Variants in CFAP263 observed in about 807,000 individuals in gnomAD.
CFAP263 encodes the protein cilia and flagella associated protein 263.
At chr16:58,277,941 A>G in the CFAP263 span, among the ~76,000 whole-genome samples, 2 of 152,156 alleles carry the variant, frequency 1.3e-5, no homozygotes, top group African/African-American at 4.8e-5. Flanking sequence ...AGGAGGAGTG[A>G]TTGTATAATG....
the CFAP263 span, among the ~76,000 whole-genome samples, chr16:58,274,343 C>T: frequency 6.6e-6 from 1 of 152,236 alleles, no homozygotes; most frequent in African/African-American, 2.4e-5. Flanking sequence ...GTTTCCCACA[C>T]AGTTCTTAGG....
the CFAP263 span, among the ~76,000 whole-genome samples, chr16:58,251,863 G>A: frequency 1.5e-4 from 23 of 152,208 alleles, 1 homozygote; most frequent in South Asian, 4.1e-3. Flanking sequence ...ACATACACAC[G>A]TATGAGAAGT....
the CFAP263 span, among the ~76,000 whole-genome samples, chr16:58,268,618 A>C: frequency 6.6e-6 from 1 of 152,152 alleles, no homozygotes; most frequent in African/African-American, 2.4e-5. Flanking sequence ...TTCACATCTA[A>C]GTTTTGTCAT....
the CFAP263 span, among the ~76,000 whole-genome samples, chr16:58,271,696 G>A: frequency 1.2e-4 from 19 of 152,258 alleles, 1 homozygote; most frequent in South Asian, 3.5e-3. Context: ...TATGTGTTTT[G>A]AGGAGGAAGA....
the CFAP263 span, among the ~76,000 whole-genome samples, chr16:58,273,925 G>A: frequency 2.0e-5 from 3 of 152,134 alleles, no homozygotes; most frequent in Non-Finnish European, 4.4e-5. Context: ...TCCTCACATG[G>A]TACAGCCTTA....
At chr16:58,262,388 G>C in the CFAP263 span, 1 of 1,606,776 alleles carries the variant, frequency 6.2e-7, no homozygotes, top group East Asian at 2.2e-5. Context: ...GCTGTAGAAG[G>C]AAGAGGTGAG....
chr16:58,266,389 ATATATATATATATATATTTT>A, the CFAP263 span, among the ~76,000 whole-genome samples: 2 of 30,880 alleles, frequency 6.5e-5, no homozygotes, highest in Non-Finnish European at 1.3e-4. Context: ...ATATATATAT[ATATATATATATATATATTTT>A]TTTTTTTTTT....
chr16:58,260,402 A>T, the CFAP263 span, among the ~76,000 whole-genome samples: 1 of 152,190 alleles, frequency 6.6e-6, no homozygotes. Flanking sequence ...CTGTAAGATA[A>T]TAAATTTGCA....
At chr16:58,263,721 C>A in the CFAP263 span, among the ~76,000 whole-genome samples, 1 of 152,290 alleles carries the variant, frequency 6.6e-6, no homozygotes, top group South Asian at 2.1e-4. Flanking sequence ...CTCACACCTG[C>A]AATCCCAGCA....
At chr16:58,279,891 C>A in the CFAP263 span, 6 of 854,948 alleles carry the variant, frequency 7.0e-6, no homozygotes, top group East Asian at 2.5e-5. Flanking sequence ...CCCAACCCCC[C>A]ACCCAGGCTG....
At chr16:58,258,423 A>G in the CFAP263 span, 1 of 1,613,992 alleles carries the variant, frequency 6.2e-7, no homozygotes, top group Non-Finnish European at 8.5e-7. Flanking sequence ...GAAGTGCATG[A>G]GTTTGAAAAA....
At chr16:58,267,502 A>G in the CFAP263 span, 6 of 1,613,690 alleles carry the variant, frequency 3.7e-6, no homozygotes, top group Non-Finnish European at 5.1e-6. Flanking sequence ...AGGCAATGGA[A>G]ATATACCTCA....
the CFAP263 span, chr16:58,250,167 T>C: frequency 1.7e-6 from 2 of 1,185,942 alleles, no homozygotes; most frequent in Non-Finnish European, 2.4e-6. Context: ...GGCCCTCCTC[T>C]CCGGGCGGCC....
the CFAP263 span, among the ~76,000 whole-genome samples, chr16:58,262,770 GATAGA>G: frequency 7.3e-6 from 1 of 136,758 alleles, no homozygotes; most frequent in African/African-American, 2.9e-5. Context: ...TAGGTAGATA[GATAGA>G]TAGATAGATA....
At chr16:58,261,844 A>G in the CFAP263 span, among the ~76,000 whole-genome samples, 1 of 152,318 alleles carries the variant, frequency 6.6e-6, no homozygotes, top group South Asian at 2.1e-4. Context: ...GGGCCAGGTC[A>G]GGGAGGGAAC....
At chr16:58,264,775 T>G in the CFAP263 span, among the ~76,000 whole-genome samples, 2 of 152,126 alleles carry the variant, frequency 1.3e-5, no homozygotes, top group Admixed American at 1.3e-4. Flanking sequence ...ATATGAAACA[T>G]TCATTCTCCC....
chr16:58,283,816 T>C, the CFAP263 span: 4 of 152,196 alleles, frequency 2.6e-5, no homozygotes, highest in Admixed American at 2.0e-4. Flanking sequence ...TGTTTTGCAA[T>C]AAAATGACTT....
chr16:58,258,671 T>C, the CFAP263 span: 1 of 684,248 alleles, frequency 1.5e-6, no homozygotes, highest in Non-Finnish European at 2.5e-6. Flanking sequence ...TGAAAGTGTA[T>C]GTGTATATGC....
At chr16:58,259,779 C>A in the CFAP263 span, 7 of 935,060 alleles carry the variant, frequency 7.5e-6, no homozygotes, top group African/African-American at 1.6e-5. Flanking sequence ...AGCCCCAGAA[C>A]CATCCACTTT....
Sources: allele counts gnomAD v4.1 joint callset (sites outside exome capture counted in the v4.1 genomes callset), GRCh38; gene constraint gnomAD v4.1.1; transcripts MANE v1.5; gene names NCBI Gene and HGNC (gene_info 2026-07-23, HGNC 2026-07-21).